The following ZFAND5 variants were observed in gnomAD, a reference collection of about 807,000 sequenced individuals.
The protein encoded by ZFAND5 is zinc finger AN1-type containing 5, also known as AN1-type zinc finger protein 5.
ZFAND5 carries 4 observed loss-of-function variants against 23.6 expected under a neutral mutation model. That is an observed-to-expected ratio of 0.17 (90% confidence interval 0.08 to 0.39). The LOEUF (loss-of-function observed/expected upper bound fraction) is 0.39, where lower values mean the gene tolerates loss of function less well. Among genes scored for constraint, ZFAND5 ranks in the 10% least tolerant of loss-of-function variants. The pLI is 1.00. For missense variants in ZFAND5, 161 were observed against 253.7 expected (o/e 0.63, Z 2.48); for synonymous variants, 68 against 80.6 (o/e 0.84, Z 0.84).
intron 1 of ZFAND5, 55 bp downstream of exon 1, chr9:72,364,641 C>A (rs1310657429): frequency 8.6e-7 from 1 of 1,158,382 alleles, no homozygotes; most frequent in Admixed American, 4.1e-5. Context: ...TTCACTCCCG[C>A]CCCCGGCCCG....
rs1014619878 is a variant in ZFAND5 at position 72,363,481 on chromosome 9, G to C, written c.-21C>G. On this transcript the variant is annotated 5_prime_UTR_variant, in exon 2 of 7. Coordinates refer to ENST00000376962, the MANE Select transcript of ZFAND5 (RefSeq NM_001102420.3). ...GAATTCCCACTCACCTGGGAATGGA[G>C]ACCTGAGTTCAAGTCTCTAGTCTGC... 3 of 241,494 alleles carry C rather than the reference G, an allele frequency of 1.2e-5. No individual in the cohort carries two copies. Among genetic ancestry groups the C allele is most frequent in the Non-Finnish European group, 2.0e-5 (3 of 149,766 alleles). The allele number at this position is 241,494 out of a possible 1,614,324, so 15.0% of individuals were successfully genotyped here.
chr9:72,364,727 C>T lies in ZFAND5; in HGVS notation c.-178G>A, dbSNP rs1842214896. 1.3e-6 allele frequency: 1 copy of T among 769,624 alleles called. No homozygotes were observed. Among genetic ancestry groups the T allele is most frequent in the African/African-American group, 1.9e-5 (1 of 52,040 alleles). 47.7% of individuals were successfully genotyped at this position (769,624 alleles called of 1,614,324 possible). A position where few individuals can be genotyped will look rare whatever the true frequency, so the allele number is the denominator to read the frequency against. ...GGGTCCCAAATGCGAAAGCCGGGTT[C>T]GCGCGCGAAGCCGGCACGATGAGGC... On this transcript the variant is annotated 5_prime_UTR_variant, in exon 1 of 7. Coordinates refer to ENST00000376962, the MANE Select transcript of ZFAND5 (RefSeq NM_001102420.3).
chr9:72,361,897 C>T (rs1180684382), intron 2 of ZFAND5, among the ~76,000 whole-genome samples: 4 of 152,146 alleles, frequency 2.6e-5, no homozygotes, highest in Non-Finnish European at 4.4e-5. Flanking sequence ...TGTGCTGTAA[C>T]TTGTGGTCAG....
In ZFAND5 at chr9:72,355,439, G is replaced by C. The variant is rs1841917101; in HGVS notation, c.*514C>G. 6.5e-6 allele frequency: 1 copy of C among 152,704 alleles called. No individual in the cohort carries two copies. The highest frequency in any genetic ancestry group is 2.1e-4 in the South Asian group (1 of 4,836). The allele number at this position is 152,704 out of a possible 1,614,324, so 9.5% of individuals were successfully genotyped here. A position where few individuals can be genotyped will look rare whatever the true frequency, so the allele number is the denominator to read the frequency against. ...CGCCAAATACTGGTTTCACGGGAAAGAAGGTCTGATCCTCTTTATGAGCAT... is the reference window on the plus strand; with the variant it reads ...CGCCAAATACTGGTTTCACGGGAAACAAGGTCTGATCCTCTTTATGAGCAT... On this transcript the variant is annotated 3_prime_UTR_variant, in exon 7 of 7. Coordinates refer to ENST00000376962, the MANE Select transcript of ZFAND5 (RefSeq NM_001102420.3).
At position 72,359,434 on chromosome 9, in the gene ZFAND5, T is replaced by C; in HGVS notation, c.351A>G (p.Thr117=). 3 of 1,613,300 alleles carry C rather than the reference T, an allele frequency of 1.9e-6. No individual in the cohort carries two copies. The highest frequency in any genetic ancestry group is 2.7e-5 in the African/African-American group (2 of 75,002). ...SREDKITTPK[T]EVSEPVVTQP... is the part of the protein sequence containing the mutation. ...AAAACATACCTGGCTCTGACACCTC[T>C]GTTTTCGGGGTAGTTATTTTGTCCT... Residue 117 remains threonine (T), a synonymous_variant, in exon 5 of 7, where the codon ACA becomes ACG. Coordinates refer to ENST00000376962, the MANE Select transcript of ZFAND5 (RefSeq NM_001102420.3).
At chr9:72,357,384 T>C (rs1841973511) in intron 5 of ZFAND5, among the ~76,000 whole-genome samples, 1 of 152,206 alleles carries the variant, frequency 6.6e-6, no homozygotes. Flanking sequence ...ATGTTAATCA[T>C]ATGCTCAGTT....
intron 4 of ZFAND5, 61 bp downstream of exon 4, chr9:72,360,049 G>T (rs1842053628): frequency 2.1e-6 from 3 of 1,424,162 alleles, no homozygotes; most frequent in Non-Finnish European, 2.9e-6. Context: ...TATTGGACCA[G>T]TACAGACATC....
intron 1 of ZFAND5, 157 bp downstream of exon 1, chr9:72,364,539 C>T: frequency 7.8e-7 from 1 of 1,277,420 alleles, no homozygotes; most frequent in South Asian, 1.3e-5. Flanking sequence ...CGTCTTTGTG[C>T]TTCCTGGGCT....
At chr9:72,357,538 CAAAT>C (rs1478111261) in intron 5 of ZFAND5, among the ~76,000 whole-genome samples, 2 of 152,088 alleles carry the variant, frequency 1.3e-5, no homozygotes, top group African/African-American at 4.8e-5. Flanking sequence ...CAAATTTTGA[CAAAT>C]AAAACTCAAA....
intron 5 of ZFAND5, among the ~76,000 whole-genome samples, chr9:72,358,492 G>T (rs757634960): frequency 6.6e-6 from 1 of 152,026 alleles, no homozygotes; most frequent in Non-Finnish European, 1.5e-5. Context: ...ATTCTTCCAA[G>T]GTCAGAGTAA....
rs777144540 is a variant in ZFAND5, at chr9:72,360,801, G to C, written c.-9-14C>G. The stretch of plus-strand genomic sequence containing the variant: ...CATATTTTTCTGCTATAGATGAAAC[G>C]AAATTTCAGAAATTAGTGTTATCAC... On this transcript the variant is annotated splice_polypyrimidine_tract_variant and intron_variant, in intron 2 of 6. Transcript: ENST00000376962. The C allele has an allele frequency of 1.1e-5, 18 of 1,567,418 alleles. No homozygotes were observed. The South Asian group carries it at 1.6e-4, about 14-fold the overall frequency.
rs1564293762 is a variant in ZFAND5 at position 72,353,507 on chromosome 9, C to CT, written c.*2445dup. 6.6e-6 allele frequency: 1 copy of CT among 152,192 alleles called. No homozygotes were observed. Among genetic ancestry groups the CT allele is most frequent in the East Asian group, 1.9e-4 (1 of 5,192 alleles). The allele number at this position is 152,192 out of a possible 1,614,324, so 9.4% of individuals were successfully genotyped here. On this transcript the variant is annotated 3_prime_UTR_variant, in exon 7 of 7. Transcript: ENST00000376962. Reference sequence around the variant, plus strand: ...CCTGACCAACATGGAGAAACTGTCTCTATTAAAAATACAAAAATTAGCTGG... The same window carrying CT: ...CCTGACCAACATGGAGAAACTGTCTCTTATTAAAAATACAAAAATTAGCTGG...
Position 72,360,614 on chromosome 9 carries a change from TG to T in ZFAND5, c.151+13del. 1 of 1,613,174 alleles carries T rather than the reference TG, an allele frequency of 6.2e-7. No homozygotes were observed. The highest frequency in any genetic ancestry group is 8.5e-7 in the Non-Finnish European group (1 of 1,179,752). On this transcript the variant is annotated intron_variant, in intron 3 of 6. Transcript: ENST00000376962. ...CAGTTCTTTCAAATGTGTTTTTCCT[TG>T]GAAATAACTTACCCATTGGGCTCAT... is the stretch of plus-strand genomic sequence containing the variant.
chr9:72,364,473 G>A (rs1168690677), intron 1 of ZFAND5: 15 of 1,279,714 alleles, frequency 1.2e-5, no homozygotes, highest in Non-Finnish European at 1.5e-5. Context: ...GTGCTGTGGA[G>A]CGAGCCAGGG....
intron 2 of ZFAND5, among the ~76,000 whole-genome samples, chr9:72,363,133 G>A (rs934118640): frequency 6.6e-6 from 1 of 152,164 alleles, no homozygotes; most frequent in African/African-American, 2.4e-5. Flanking sequence ...GTGTAAAAAA[G>A]AATCCTCATT....
chr9:72,358,128 G>A (rs1394613075), intron 5 of ZFAND5, among the ~76,000 whole-genome samples: 2 of 152,046 alleles, frequency 1.3e-5, no homozygotes, highest in African/African-American at 4.8e-5. Context: ...TGATTTAATG[G>A]CAATTTTCTC....
intron 2 of ZFAND5, 71 bp downstream of exon 2, chr9:72,363,399 C>G (rs531421073): frequency 1.3e-5 from 2 of 153,574 alleles, no homozygotes; most frequent in Non-Finnish European, 2.9e-5. Context: ...GAACAAAGAG[C>G]TTTTACACCT....
intron 5 of ZFAND5, among the ~76,000 whole-genome samples, chr9:72,358,096 C>A (rs1223696369): frequency 6.6e-6 from 1 of 152,244 alleles, no homozygotes; most frequent in East Asian, 1.9e-4. Context: ...AGCATATAGA[C>A]AAGCTCCTAC....
rs115572452 is a variant in ZFAND5, at chr9:72,361,825, A to T, written c.-9-1038T>A. The stretch of plus-strand genomic sequence containing the variant: ...TTGTGGAGGGTTTTCATGTCATCTT[A>T]AACATGTATAAGCATATGTACAAAA... On this transcript the variant is annotated intron_variant, in intron 2 of 6. Transcript: ENST00000376962. 9.4e-3 allele frequency among the ~76,000 whole-genome samples: 1,439 copies of T among 152,318 alleles called. 12 individuals carry two copies. The highest frequency in any genetic ancestry group is 0.032 in the African/African-American group (1,350 of 41,574).
Sources: allele counts gnomAD v4.1 joint callset (sites outside exome capture counted in the v4.1 genomes callset), GRCh38; gene constraint gnomAD v4.1.1; transcripts MANE v1.5; gene names NCBI Gene and HGNC (gene_info 2026-07-23, HGNC 2026-07-21).